SPPL3: variants seen among roughly 807,000 people sequenced by gnomAD.
SPPL3 encodes the protein signal peptide peptidase like 3, also known as signal peptide peptidase-like 3.
A neutral mutation model predicts 42.4 loss-of-function variants in SPPL3; 5 were observed. That is an observed-to-expected ratio of 0.12 (90% CI 0.06 to 0.25). The LOEUF is 0.25. SPPL3 is among the 10% of genes least tolerant of loss of function. The pLI is 1.00. For missense variants in SPPL3, 235 were observed against 489.0 expected (o/e 0.48, Z 4.90); for synonymous variants, 195 against 181.8 (o/e 1.07, Z -0.58).
intron 1 of SPPL3, among the ~76,000 whole-genome samples, chr12:120,849,939 T>C (rs74892651): frequency 0.014 from 2,134 of 152,248 alleles, 39 homozygotes; most frequent in African/African-American, 0.045. Context: ...TCAGTAAAAA[T>C]AACCATTCCT....
chr12:120,809,109 G>A (rs1396898804), intron 2 of SPPL3, among the ~76,000 whole-genome samples: 1 of 152,184 alleles, frequency 6.6e-6, no homozygotes, highest in African/African-American at 2.4e-5. Flanking sequence ...ACTTTGGCAG[G>A]CCAAGGCCGG....
chr12:120,847,284 T>A (rs1566059374), intron 1 of SPPL3, among the ~76,000 whole-genome samples: 2 of 152,014 alleles, frequency 1.3e-5, no homozygotes, highest in African/African-American at 2.4e-5. Context: ...TTCAGTTTAT[T>A]TTTATTTATT....
rs529895128 is a variant in SPPL3, at chr12:120,864,484, G to A, written c.23+39361C>T. Among the ~76,000 whole-genome samples the A allele has an allele frequency of 2.6e-3, 403 of 152,244 alleles. 3 individuals carry two copies. In the Middle Eastern group the frequency reaches 0.027, roughly 10 times the overall value. On this transcript the variant is annotated intron_variant, in intron 1 of 10. Transcript: ENST00000353487. ...TGGGAGTCGGAGGCTGCAGCGAGCC[G>A]AGATCATGCCATTGCACTCCAGCCC... is the stretch of plus-strand genomic sequence containing the variant.
chr12:120,881,854 C>T (rs1465969668), intron 1 of SPPL3, among the ~76,000 whole-genome samples: 24 of 150,834 alleles, frequency 1.6e-4, no homozygotes, highest in Admixed American at 1.3e-3. Context: ...AGGTACCTAG[C>T]ATAGTCAAAT....
At chr12:120,834,761 T>A (rs1871550051) in intron 1 of SPPL3, among the ~76,000 whole-genome samples, 1 of 152,212 alleles carries the variant, frequency 6.6e-6, no homozygotes, top group Admixed American at 6.5e-5. Context: ...TCCCTTTCTG[T>A]ACTCTTTTCA....
chr12:120,820,401 C>T (rs376103032), intron 1 of SPPL3, among the ~76,000 whole-genome samples: 1 of 150,622 alleles, frequency 6.6e-6, no homozygotes, highest in Non-Finnish European at 1.5e-5. Context: ...CTGCAAGCTC[C>T]GCCTCCCAGG....
chr12:120,903,124 G>T (rs1318575971), intron 1 of SPPL3, among the ~76,000 whole-genome samples: 1 of 152,140 alleles, frequency 6.6e-6, no homozygotes, highest in Non-Finnish European at 1.5e-5. Context: ...CCATTCCTCT[G>T]AAAATAATAG....
At chr12:120,806,633 GGT>G (rs1195192235) in intron 2 of SPPL3, among the ~76,000 whole-genome samples, 2 of 152,090 alleles carry the variant, frequency 1.3e-5, no homozygotes, top group African/African-American at 2.4e-5. Flanking sequence ...TGGATCACGA[GGT>G]CAGGAGATCG....
intron 10 of SPPL3, 125 bp downstream of exon 10, chr12:120,766,138 A>C: frequency 1.5e-6 from 1 of 659,912 alleles, no homozygotes; most frequent in Non-Finnish European, 2.5e-6. Flanking sequence ...ACACACACAC[A>C]CACAGTCGAG....
chr12:120,891,227 C>A (rs1873630183), intron 1 of SPPL3, among the ~76,000 whole-genome samples: 1 of 152,138 alleles, frequency 6.6e-6, no homozygotes, highest in South Asian at 2.1e-4. Flanking sequence ...AGGAATCCAG[C>A]CTAATACATC....
At chr12:120,853,989 C>CACACACAT (rs1872358205) in intron 1 of SPPL3, among the ~76,000 whole-genome samples, 1 of 87,106 alleles carries the variant, frequency 1.1e-5, no homozygotes, top group Non-Finnish European at 2.4e-5. Flanking sequence ...CACATACACA[C>CACACACAT]ACACACACAC....
chr12:120,882,684 TAACAA>T (rs1873328688), intron 1 of SPPL3, among the ~76,000 whole-genome samples: 1 of 152,120 alleles, frequency 6.6e-6, no homozygotes, highest in East Asian at 1.9e-4. Flanking sequence ...AAAAAGCATA[TAACAA>T]AACACTATTT....
Position 120,789,485 on chromosome 12 carries a change from A to G in SPPL3, c.190+1984T>C, listed in dbSNP as rs138876856. 3.1e-3 allele frequency among the ~76,000 whole-genome samples: 456 copies of G among 144,986 alleles called. 1 individual carries two copies. The highest frequency in any genetic ancestry group is 0.011 in the African/African-American group (441 of 39,296). On this transcript the variant is annotated intron_variant, in intron 3 of 10. Transcript: ENST00000353487. ...AAAGAAAAAAAGCATTTAAAAAAGA[A>G]GTATTCTACCACTCTTTAGACTGTG...
rs112265292 is a variant in SPPL3 at position 120,810,963 on chromosome 12, T to C, written c.24-77A>G. The C allele has an allele frequency of 7.1e-6, 7 of 980,022 alleles. No individual in the cohort carries two copies. The African/African-American group carries it at 8.2e-5, about 11-fold the overall frequency. The allele number at this position is 980,022 out of a possible 1,614,324, so 60.7% of individuals were successfully genotyped here. On this transcript the variant is annotated intron_variant, in intron 1 of 10. Transcript: ENST00000353487. ...GAGCTTACAGTCTAATGGAGTTCTA[T>C]AAACCCCACTGAGCTTTGTTTTTAT...
intron 6 of SPPL3, among the ~76,000 whole-genome samples, chr12:120,770,551 G>A (rs533088665): frequency 3.3e-5 from 5 of 152,064 alleles, no homozygotes; most frequent in African/African-American, 1.2e-4. Context: ...CACAGTAATC[G>A]ACCTGTCCTC....
intron 1 of SPPL3, chr12:120,845,139 C>A (rs879655630): frequency 1.1e-5 from 5 of 439,912 alleles, no homozygotes; most frequent in Non-Finnish European, 1.4e-5. Context: ...GACTAGACAG[C>A]CAGCCCAGTC....
At chr12:120,893,245 T>C (rs1420015500) in intron 1 of SPPL3, among the ~76,000 whole-genome samples, 1 of 151,628 alleles carries the variant, frequency 6.6e-6, no homozygotes, top group Middle Eastern at 3.2e-3. Flanking sequence ...GGTCAGGAGA[T>C]CGAGACCATC....
At chr12:120,781,559 T>TTTTTTTTG in intron 6 of SPPL3, among the ~76,000 whole-genome samples, 1 of 7,166 alleles carries the variant, frequency 1.4e-4, no homozygotes, top group Non-Finnish European at 4.3e-4. Flanking sequence ...TGTTACGTTT[T>TTTTTTTTG]TTTTTTTTTT....
At chr12:120,846,011 C>T (rs1002841820) in intron 1 of SPPL3, among the ~76,000 whole-genome samples, 1 of 152,082 alleles carries the variant, frequency 6.6e-6, no homozygotes, top group Admixed American at 6.6e-5. Context: ...GATTCTTATA[C>T]CTTAGCCCCC....
Sources: allele counts gnomAD v4.1 joint callset (sites outside exome capture counted in the v4.1 genomes callset), GRCh38; gene constraint gnomAD v4.1.1; transcripts MANE v1.5; gene names NCBI Gene and HGNC (gene_info 2026-07-23, HGNC 2026-07-21).